The following FHIP1A variants were observed in gnomAD, a reference collection of about 807,000 sequenced individuals.
FHIP1A encodes FHF complex subunit HOOK interacting protein 1A.
Under a neutral mutation model 88.6 loss-of-function variants are expected in FHIP1A, and 61 were observed. That is an observed-to-expected ratio of 0.69 (90% CI 0.56 to 0.85). The LOEUF (loss-of-function observed/expected upper bound fraction) is 0.85, where lower values mean the gene tolerates loss of function less well. Among genes scored for constraint, FHIP1A ranks in the 40% least tolerant of loss-of-function variants. The pLI is 0.00. For missense variants in FHIP1A, 1,154 were observed against 1,273.5 expected (o/e 0.91, Z 1.43); for synonymous variants, 478 against 496.0 (o/e 0.96, Z 0.48).
intron 2 of FHIP1A, among the ~76,000 whole-genome samples, chr4:151,463,583 C>T (rs1351466635): frequency 6.6e-6 from 1 of 152,154 alleles, no homozygotes; most frequent in Non-Finnish European, 1.5e-5. Context: ...AATATATGCC[C>T]CCAGCCTTCT....
intron 3 of FHIP1A, among the ~76,000 whole-genome samples, chr4:151,503,161 G>A (rs1730711564): frequency 6.6e-6 from 1 of 152,094 alleles, no homozygotes; most frequent in Admixed American, 6.5e-5. Flanking sequence ...GTAGGTTAGG[G>A]GAAGAAGTAC....
intron 7 of FHIP1A, among the ~76,000 whole-genome samples, chr4:151,621,584 G>T (rs1456615972): frequency 4.0e-5 from 6 of 150,918 alleles, no homozygotes; most frequent in South Asian, 2.1e-4. Flanking sequence ...GGAGGAGTTG[G>T]GGGGGTTGCG....
chr4:151,625,910 C>T lies in FHIP1A; in HGVS notation c.979-3792C>T, dbSNP rs761647190. ...GCACTTCTTCCAGGCCAGACCTTGA[C>T]GGGTTATAGCCTGGAGCATAGGGAA... On this transcript the variant is annotated intron_variant, in intron 7 of 13. Transcript: ENST00000435205. 1.4e-3 allele frequency among the ~76,000 whole-genome samples: 215 copies of T among 152,156 alleles called. 2 individuals carry two copies. Among genetic ancestry groups the T allele is most frequent in the Non-Finnish European group, 2.6e-3 (175 of 68,034 alleles).
At chr4:151,425,529 G>A (rs1733331179) in intron 1 of FHIP1A, among the ~76,000 whole-genome samples, 1 of 152,002 alleles carries the variant, frequency 6.6e-6, no homozygotes, top group South Asian at 2.1e-4. Context: ...AATAATAATG[G>A]TATTATTTTA....
intron 3 of FHIP1A, among the ~76,000 whole-genome samples, chr4:151,493,567 A>C (rs113236289): frequency 0.012 from 1,797 of 152,306 alleles, 27 homozygotes; most frequent in African/African-American, 0.042. Flanking sequence ...AGAAGCAAAA[A>C]TCCTTAACAA....
intron 2 of FHIP1A, among the ~76,000 whole-genome samples, chr4:151,473,635 G>A (rs1378888582): frequency 6.6e-6 from 1 of 151,726 alleles, no homozygotes; most frequent in Non-Finnish European, 1.5e-5. Context: ...AAGCTTAAAG[G>A]GCAAACTTAT....
Position 151,656,374 on chromosome 4 carries a change from C to T in FHIP1A, c.2694C>T (p.Asn898=), listed in dbSNP as rs140617452. 6,423 of 1,551,748 alleles carry T rather than the reference C, an allele frequency of 4.1e-3. 342 individuals are homozygous for T. The Admixed American group carries it at 0.095, about 23-fold the overall frequency. The change falls in exon 12 of 14, where the codon AAC becomes AAT. Residue 898 remains asparagine, a synonymous_variant. Coordinates refer to ENST00000435205, the MANE Select transcript of FHIP1A (RefSeq NM_001109977.3). The surrounding 1 kb of genome is among the most constrained non-coding windows in gnomAD (Gnocchi z 4.2). ...TGCGCTCCTTTCTGCTCAACACCAA[C>T]ATGGTCTTCCAGCCAAGCGTCCGCT... The part of the protein sequence containing the change: ...PLLRSFLLNT[N]MVFQPSVRSL...
intron 13 of FHIP1A, among the ~76,000 whole-genome samples, chr4:151,661,966 A>C (rs1737474971): frequency 6.6e-6 from 1 of 152,198 alleles, no homozygotes; most frequent in Non-Finnish European, 1.5e-5. Flanking sequence ...CCTGGCCAGA[A>C]GACTGGAGGT....
Position 151,444,102 on chromosome 4 carries a change from G to A in FHIP1A, c.-355-10599G>A, listed in dbSNP as rs116808044. 5.5e-3 allele frequency among the ~76,000 whole-genome samples: 828 copies of A among 151,306 alleles called. 9 individuals carry two copies. Among genetic ancestry groups the A allele is most frequent in the African/African-American group, 0.019 (776 of 40,820 alleles). On this transcript the variant is annotated intron_variant, in intron 1 of 13. Transcript: ENST00000435205. ...TGGCCTTGGAGAGCAGCTTTCCCCC[G>A]TTTCGTCTGTGAGCGCATACTCCTT...
At chr4:151,555,453 TCTC>T (rs898661651) in intron 3 of FHIP1A, among the ~76,000 whole-genome samples, 2 of 152,070 alleles carry the variant, frequency 1.3e-5, no homozygotes, top group African/African-American at 4.8e-5. Flanking sequence ...CAAAAACAAC[TCTC>T]CTCCTCCTCT....
chr4:151,515,042 G>A (rs1432229524), intron 3 of FHIP1A, among the ~76,000 whole-genome samples: 2 of 151,930 alleles, frequency 1.3e-5, no homozygotes, highest in African/African-American at 4.8e-5. Flanking sequence ...GAACATTGAT[G>A]CAAAAATCCT....
Position 151,462,606 on chromosome 4 carries a change from G to A in FHIP1A, c.-248+7798G>A, listed in dbSNP as rs566010737. On this transcript the variant is annotated intron_variant, in intron 2 of 13. Transcript: ENST00000435205. ...ATGATATTACAGAGGAGTCATATATGCATATTTCACTCATGGGAATTCAAC... is the reference window on the plus strand; with the variant it reads ...ATGATATTACAGAGGAGTCATATATACATATTTCACTCATGGGAATTCAAC... Among the ~76,000 whole-genome samples, 8 of 152,284 alleles carry A rather than the reference G, an allele frequency of 5.3e-5. No homozygotes were observed. In the South Asian group the frequency reaches 1.7e-3, roughly 32 times the overall value.
rs1250249531 is a variant in FHIP1A, at chr4:151,454,689, T to G, written c.-355-12T>G. On this transcript the variant is annotated splice_polypyrimidine_tract_variant and intron_variant, in intron 1 of 13. Transcript: ENST00000435205. The stretch of plus-strand genomic sequence containing the variant: ...AGGTGTTTTTCTGAAGGACTTTTTT[T>G]TTTTTTTCCAGGTGATACACTTGGG... The G allele has an allele frequency of 6.6e-6, 1 of 152,112 alleles. No homozygotes were observed. The highest frequency in any genetic ancestry group is 6.6e-5 in the Admixed American group (1 of 15,266). 9.4% of individuals were successfully genotyped at this position (152,112 alleles called of 1,614,324 possible). A position where few individuals can be genotyped will look rare whatever the true frequency, so the allele number is the denominator to read the frequency against.
intron 5 of FHIP1A, among the ~76,000 whole-genome samples, chr4:151,582,711 G>A (rs1160001117): frequency 6.6e-6 from 1 of 152,148 alleles, no homozygotes; most frequent in African/African-American, 2.4e-5. Context: ...GTGAAAAATG[G>A]GTTAATGCTT....
intron 3 of FHIP1A, among the ~76,000 whole-genome samples, chr4:151,507,117 TCCCCTGC>T (rs1405166252): frequency 1.3e-5 from 2 of 152,022 alleles, no homozygotes; most frequent in Non-Finnish European, 2.9e-5. Context: ...TGAAAGCCTT[TCCCCTGC>T]CCCCCCACTT....
At chr4:151,606,297 A>T (rs1735072032) in intron 7 of FHIP1A, among the ~76,000 whole-genome samples, 1 of 152,130 alleles carries the variant, frequency 6.6e-6, no homozygotes, top group Non-Finnish European at 1.5e-5. Flanking sequence ...GTCACTTGTC[A>T]TCTGTGCCAC....
chr4:151,501,841 T>G (rs1337731524), intron 3 of FHIP1A, among the ~76,000 whole-genome samples: 1 of 151,062 alleles, frequency 6.6e-6, no homozygotes, highest in Admixed American at 6.6e-5. Context: ...TACTAAACCT[T>G]TATTAGAAAA....
At chr4:151,429,572 T>A (rs1478726673) in intron 1 of FHIP1A, among the ~76,000 whole-genome samples, 1 of 152,090 alleles carries the variant, frequency 6.6e-6, no homozygotes, top group Non-Finnish European at 1.5e-5. Flanking sequence ...AAAAATAATA[T>A]CCACGGTGGC....
At chr4:151,526,378 G>C (rs1418782971) in intron 3 of FHIP1A, among the ~76,000 whole-genome samples, 1 of 151,276 alleles carries the variant, frequency 6.6e-6, no homozygotes, top group Non-Finnish European at 1.5e-5. Context: ...CGGCTGGCCG[G>C]GCGGGGGGCT....
Sources: gnomAD v4.1 joint callset for allele counts (sites outside exome capture counted in the v4.1 genomes callset) on GRCh38, gnomAD v4.1.1 for gene constraint, Gnocchi (gnomAD v3.1) non-coding constraint, MANE v1.5 for transcripts, NCBI Gene and HGNC (gene_info 2026-07-23, HGNC 2026-07-21) for gene names.